The following PTPRZ1 variants were observed in gnomAD, a reference collection of about 807,000 sequenced individuals.
PTPRZ1 encodes the protein protein tyrosine phosphatase receptor type Z1, also known as receptor-type tyrosine-protein phosphatase zeta.
Under a neutral mutation model 214.1 loss-of-function variants are expected in PTPRZ1, and 82 were observed. That is an observed-to-expected ratio of 0.38 (90% CI 0.32 to 0.46). The LOEUF (loss-of-function observed/expected upper bound fraction) is 0.46, where lower values mean the gene tolerates loss of function less well. Among genes scored for constraint, PTPRZ1 ranks in the 20% least tolerant of loss-of-function variants. The pLI is 1.00. For synonymous variants in PTPRZ1, 945 were observed against 987.9 expected (o/e 0.96, Z 0.81); for missense variants, 2,603 against 2,748.7 (o/e 0.95, Z 1.19).
At chr7:121,900,984 T>G (rs1794939405) in intron 1 of PTPRZ1, among the ~76,000 whole-genome samples, 2 of 152,054 alleles carry the variant, frequency 1.3e-5, no homozygotes, top group Non-Finnish European at 2.9e-5. Context: ...CATAGGGAGG[T>G]CATATAACTT....
At chr7:121,908,855 G>A in intron 1 of PTPRZ1, 1 of 483,124 alleles carries the variant, frequency 2.1e-6, no homozygotes, top group Non-Finnish European at 4.1e-6. Flanking sequence ...TTTTGTATAT[G>A]GAAATATATA....
intron 1 of PTPRZ1, among the ~76,000 whole-genome samples, chr7:121,891,536 C>T (rs1794622006): frequency 1.0e-5 from 1 of 99,870 alleles, no homozygotes; most frequent in Admixed American, 1.3e-4. Flanking sequence ...CTTTTTTTAG[C>T]TTGTATTGCC....
chr7:121,991,629 A>C (rs1797964634), intron 8 of PTPRZ1, among the ~76,000 whole-genome samples: 1 of 152,172 alleles, frequency 6.6e-6, no homozygotes, highest in South Asian at 2.1e-4. Context: ...ACTGTACTGC[A>C]CCTATGTTTT....
Position 121,941,725 on chromosome 7 carries a change from C to G in PTPRZ1, c.124+13504C>G, listed in dbSNP as rs548584797. Among the ~76,000 whole-genome samples the G allele has an allele frequency of 1.1e-3, 160 of 152,084 alleles. 1 individual carries two copies. Among genetic ancestry groups the G allele is most frequent in the African/African-American group, 3.8e-3 (158 of 41,474 alleles). The stretch of plus-strand genomic sequence containing the variant: ...GATATTTCCTCATTTTATAATGGTC[C>G]TTTTATGTATCTGAGGGGCCTGTGT... On this transcript the variant is annotated intron_variant, in intron 2 of 29. Coordinates refer to ENST00000393386, the MANE Select transcript of PTPRZ1 (RefSeq NM_002851.3).
Position 122,011,370 on chromosome 7 carries a change from T to G in PTPRZ1, c.2324T>G (p.Leu775Trp), listed in dbSNP as rs980919605. Residue 775 changes from leucine (L) to tryptophan (W), a missense_variant, in exon 12 of 30, where the codon TTG (leucine) becomes TGG (tryptophan). This residue lies in a region of PTPRZ1 where 1,913 missense variants were observed against 1,914.3 expected (regional missense o/e 1.00). Coordinates refer to ENST00000393386, the MANE Select transcript of PTPRZ1 (RefSeq NM_002851.3). ...SEVFPLVTPL[L>W]LDNQILNTTP... ...GTCTTTCCTCTAGTCACCCCTTTGT[T>G]GCTTGACAATCAGATCCTCAACACT... is the stretch of plus-strand genomic sequence containing the variant. The G allele has an allele frequency of 1.2e-6, 2 of 1,614,122 alleles. No homozygotes were observed. Among genetic ancestry groups the G allele is most frequent in the Non-Finnish European group, 1.7e-6 (2 of 1,179,986 alleles).
chr7:121,941,186 G>A (rs1372036114), intron 2 of PTPRZ1, among the ~76,000 whole-genome samples: 3 of 152,196 alleles, frequency 2.0e-5, no homozygotes, highest in South Asian at 2.1e-4. Context: ...ACAAAGCTAC[G>A]TGGATTGAGC....
intron 2 of PTPRZ1, among the ~76,000 whole-genome samples, chr7:121,932,032 G>A (rs917276296): frequency 1.3e-5 from 2 of 152,110 alleles, no homozygotes; most frequent in Non-Finnish European, 2.9e-5. Flanking sequence ...ATTTATATTA[G>A]TGCTTCCCAT....
At chr7:121,946,644 A>G (rs908647775) in intron 2 of PTPRZ1, among the ~76,000 whole-genome samples, 1 of 152,196 alleles carries the variant, frequency 6.6e-6, no homozygotes, top group Non-Finnish European at 1.5e-5. Flanking sequence ...TATTGCTATA[A>G]CTTCAAAATA....
intron 18 of PTPRZ1, among the ~76,000 whole-genome samples, chr7:122,038,319 G>A (rs955931366): frequency 5.9e-5 from 9 of 152,152 alleles, no homozygotes; most frequent in South Asian, 2.1e-4. Flanking sequence ...TTGAAGTAGA[G>A]TAAGGAGGTT....
chr7:122,023,934 G>A (rs1324844958), intron 13 of PTPRZ1, among the ~76,000 whole-genome samples: 3 of 149,506 alleles, frequency 2.0e-5, no homozygotes, highest in African/African-American at 7.4e-5. Flanking sequence ...TGATGAAAAG[G>A]CGTAAACCAA....
At chr7:122,053,768 A>T in intron 25 of PTPRZ1, 142 bp from the exon 26 acceptor site, 1 of 1,015,520 alleles carries the variant, frequency 9.8e-7, no homozygotes, top group Non-Finnish European at 1.4e-6. Flanking sequence ...AGCATTGGCT[A>T]TAATAATCAT....
chr7:121,905,334 C>T (rs1584623146), intron 1 of PTPRZ1, among the ~76,000 whole-genome samples: 1 of 152,088 alleles, frequency 6.6e-6, no homozygotes, highest in Admixed American at 6.6e-5. Context: ...GCATCCCTCA[C>T]ACCTCTCCCT....
rs773885417 is a variant in PTPRZ1 at position 121,976,199 on chromosome 7, C to T, written c.483C>T (p.Asp161=). The T allele has an allele frequency of 6.2e-7, 1 of 1,608,256 alleles. No homozygotes were observed. Among genetic ancestry groups the T allele is most frequent in the Non-Finnish European group, 8.5e-7 (1 of 1,176,328 alleles). Residue 161 remains aspartate, a synonymous_variant, in exon 5 of 30, where the codon GAC becomes GAT. Transcript: ENST00000393386. The part of the protein sequence containing the change: ...LEMQIYCFDA[D]RFSSFEEAVK... ...TGCAAATCTACTGCTTTGATGCGGA[C>T]CGATTTTCAAGTTTTGAGGAAGCAG...
chr7:121,873,325 C>A lies in PTPRZ1; in HGVS notation c.-175C>A. On this transcript the variant is annotated 5_prime_UTR_variant, in exon 1 of 30. Coordinates refer to ENST00000393386, the MANE Select transcript of PTPRZ1 (RefSeq NM_002851.3). ...TCTGTCTCTGTCTCTGTCTCTCTCT[C>A]TCTCACACACACACACACACACACA... 1 of 561,172 alleles carries A rather than the reference C, an allele frequency of 1.8e-6. No homozygotes were observed. The allele number at this position is 561,172 out of a possible 1,614,324, so 34.8% of individuals were successfully genotyped here.
At chr7:121,981,111 C>G (rs568398557) in intron 6 of PTPRZ1, among the ~76,000 whole-genome samples, 1 of 151,616 alleles carries the variant, frequency 6.6e-6, no homozygotes, top group South Asian at 2.1e-4. Flanking sequence ...CCACTGCACT[C>G]CAGCCTGGGC....
chr7:121,935,714 C>T (rs1196981007), intron 2 of PTPRZ1, among the ~76,000 whole-genome samples: 1 of 151,970 alleles, frequency 6.6e-6, no homozygotes, highest in Non-Finnish European at 1.5e-5. Context: ...ACTACAGGCG[C>T]CCGCCACCAC....
chr7:121,998,880 G>T (rs1345848559), intron 10 of PTPRZ1, among the ~76,000 whole-genome samples: 1 of 152,072 alleles, frequency 6.6e-6, no homozygotes, highest in South Asian at 2.1e-4. Flanking sequence ...TAAGTGAGTG[G>T]TTACAAATTA....
intron 1 of PTPRZ1, among the ~76,000 whole-genome samples, chr7:121,924,049 G>A (rs1051692700): frequency 1.3e-5 from 2 of 151,922 alleles, no homozygotes; most frequent in Non-Finnish European, 2.9e-5. Flanking sequence ...AAAAAGATTT[G>A]CTAATATGTA....
intron 1 of PTPRZ1, among the ~76,000 whole-genome samples, chr7:121,907,342 G>A (rs1445175292): frequency 6.6e-6 from 1 of 151,940 alleles, no homozygotes; most frequent in Non-Finnish European, 1.5e-5. Flanking sequence ...TGAATTAAAT[G>A]TGGCAAATAA....
Sources: gnomAD v4.1 joint callset for allele counts (sites outside exome capture counted in the v4.1 genomes callset) on GRCh38, gnomAD v4.1.1 for gene constraint, gnomAD v4.1.1 regional missense constraint, MANE v1.5 for transcripts, NCBI Gene and HGNC (gene_info 2026-07-23, HGNC 2026-07-21) for gene names.